The following GLDC variants were observed in gnomAD, a reference collection of about 807,000 sequenced individuals.
GLDC encodes the protein glycine dehydrogenase (decarboxylating), mitochondrial.
Under a neutral mutation model 121.3 loss-of-function variants are expected in GLDC, and 104 were observed. The ratio of observed to expected loss-of-function variants is 0.86; its 90% confidence interval spans 0.73 to 1.01. The LOEUF is 1.01. GLDC is among the 50% of genes least tolerant of loss of function. The pLI, the probability that GLDC is intolerant of heterozygous loss-of-function variation, is 0.00. For synonymous variants in GLDC, 546 were observed against 480.6 expected (o/e 1.14, Z -1.78); for missense variants, 1,429 against 1,306.6 (o/e 1.09, Z -1.44).
chr9:6,589,916 G>A (rs181544786), intron 11 of GLDC, among the ~76,000 whole-genome samples: 8 of 152,136 alleles, frequency 5.3e-5, no homozygotes, highest in East Asian at 1.9e-4. Context: ...TTAGCCGGTC[G>A]TGTTGGCGGG....
At chr9:6,586,515 G>A (rs1818275319) in intron 15 of GLDC, among the ~76,000 whole-genome samples, 1 of 152,170 alleles carries the variant, frequency 6.6e-6, no homozygotes, top group South Asian at 2.1e-4. Context: ...ACCTTTCAAA[G>A]TTAGTGACAT....
At position 6,545,888 on chromosome 9, in the gene GLDC, G is replaced by A. The variant is rs888476202; in HGVS notation, c.2569+4915C>T. ...ACTCCTGAGTTCAAGTGATCTGCCCGCCTCAGCCTTCCAAAGTGCTGGGAT... is the reference window on the plus strand; with the variant it reads ...ACTCCTGAGTTCAAGTGATCTGCCCACCTCAGCCTTCCAAAGTGCTGGGAT... On this transcript the variant is annotated intron_variant, in intron 21 of 24. Coordinates refer to ENST00000321612, the MANE Select transcript of GLDC (RefSeq NM_000170.3). Among the ~76,000 whole-genome samples, 10 of 152,094 alleles carry A rather than the reference G, an allele frequency of 6.6e-5. No homozygotes were observed. The East Asian group carries it at 1.9e-3, about 29-fold the overall frequency.
chr9:6,608,078 G>A (rs989751618), intron 4 of GLDC, among the ~76,000 whole-genome samples: 5 of 151,778 alleles, frequency 3.3e-5, no homozygotes, highest in Non-Finnish European at 4.4e-5. Flanking sequence ...AGCTGAGATC[G>A]TGCACCCCAG....
intron 9 of GLDC, among the ~76,000 whole-genome samples, chr9:6,593,856 C>G (rs1485170264): frequency 6.6e-6 from 1 of 151,860 alleles, no homozygotes; most frequent in South Asian, 2.1e-4. Flanking sequence ...CCACTCCCAG[C>G]TGATTTTTGT....
chr9:6,609,463 C>G lies in GLDC; in HGVS notation c.635+729G>C, dbSNP rs151285198. On this transcript the variant is annotated intron_variant, in intron 4 of 24. Coordinates refer to ENST00000321612, the MANE Select transcript of GLDC (RefSeq NM_000170.3). ...CAGTGCCAGGACCTTTGTCACTACCCTCTTACAACCCCACCAAACAGAGAC... is the reference window on the plus strand; with the variant it reads ...CAGTGCCAGGACCTTTGTCACTACCGTCTTACAACCCCACCAAACAGAGAC... 6.3e-3 allele frequency among the ~76,000 whole-genome samples: 958 copies of G among 152,234 alleles called. 9 individuals are homozygous for G. The highest frequency in any genetic ancestry group is 0.011 in the Non-Finnish European group (749 of 68,000).
At chr9:6,544,629 ACT>A (rs1817347653) in intron 21 of GLDC, among the ~76,000 whole-genome samples, 1 of 88,432 alleles carries the variant, frequency 1.1e-5, no homozygotes, top group South Asian at 4.2e-4. Flanking sequence ...ACAGAGCAAG[ACT>A]CTGTCTCAAA....
chr9:6,622,885 T>A (rs1819140426), intron 2 of GLDC: 1 of 202,410 alleles, frequency 4.9e-6, no homozygotes, highest in Admixed American at 5.9e-5. Flanking sequence ...GGAGCGCCTC[T>A]GCCCCGCCGC....
Position 6,606,602 on chromosome 9 carries a change from T to C in GLDC, c.703A>G (p.Thr235Ala). Residue 235 changes from threonine (T) to alanine (A), a missense_variant, in exon 5 of 25, where the codon ACT (threonine) becomes GCT (alanine). Transcript: ENST00000321612. ...AATCAAATTAATTACTTGGCTCGAG[T>C]CTGGACAACAGCTATTGTCTGTGGG... ...CHPQTIAVVQ[T>A]RAKYTGVLTE... 6.3e-7 allele frequency: 1 copy of C among 1,587,858 alleles called. No individual in the cohort carries two copies. Among genetic ancestry groups the C allele is most frequent in the East Asian group, 2.2e-5 (1 of 44,762 alleles).
At chr9:6,554,178 G>A (rs528005779) in intron 19 of GLDC, among the ~76,000 whole-genome samples, 1 of 152,200 alleles carries the variant, frequency 6.6e-6, no homozygotes, top group East Asian at 1.9e-4. Flanking sequence ...TATTCCTTCA[G>A]TCCTACTCTG....
In GLDC at chr9:6,611,417, G is replaced by A. The variant is rs142037972; in HGVS notation, c.471-1061C>T. On this transcript the variant is annotated intron_variant, in intron 3 of 24. Transcript: ENST00000321612. ...TAAAAATACAAACAATTAGCCAGGC[G>A]TGGTGGCACGTGCCTGTAGTCCCAG... Among the ~76,000 whole-genome samples, 144 of 152,272 alleles carry A rather than the reference G, an allele frequency of 9.5e-4. 2 individuals carry two copies. The highest frequency in any genetic ancestry group is 7.5e-3 in the East Asian group (39 of 5,188).
At chr9:6,630,420 C>G (rs779311531) in intron 2 of GLDC, among the ~76,000 whole-genome samples, 63 of 152,288 alleles carry the variant, frequency 4.1e-4, no homozygotes, top group South Asian at 1.7e-3. Context: ...CCAGCAGCGC[C>G]TCACACACAG....
intron 3 of GLDC, among the ~76,000 whole-genome samples, chr9:6,613,505 A>C (rs545532672): frequency 3.3e-5 from 5 of 152,318 alleles, no homozygotes; most frequent in Admixed American, 3.3e-4. Flanking sequence ...TTTTCAGTTA[A>C]CATTATTCCA....
At chr9:6,602,824 G>A (rs1446077123) in intron 7 of GLDC, among the ~76,000 whole-genome samples, 3 of 152,000 alleles carry the variant, frequency 2.0e-5, no homozygotes, top group African/African-American at 4.8e-5. Flanking sequence ...GGAAATATAC[G>A]ACAAAATTGA....
intron 16 of GLDC, among the ~76,000 whole-genome samples, chr9:6,561,423 C>A (rs1235735405): frequency 6.6e-6 from 1 of 152,004 alleles, no homozygotes. Context: ...CTGAGGCAGG[C>A]GGTTCACTTG....
chr9:6,631,065 T>C (rs768127330), intron 2 of GLDC, among the ~76,000 whole-genome samples: 1 of 152,168 alleles, frequency 6.6e-6, no homozygotes, highest in Admixed American at 6.5e-5. Flanking sequence ...CTAAAACCCT[T>C]GCAGACCAGC....
At chr9:6,640,953 A>G (rs1429069077) in intron 2 of GLDC, among the ~76,000 whole-genome samples, 1 of 152,184 alleles carries the variant, frequency 6.6e-6, no homozygotes, top group African/African-American at 2.4e-5. Context: ...ATATCCTTCT[A>G]GTCCTTTTGT....
intron 15 of GLDC, 195 bp from the exon 16 acceptor site, chr9:6,565,624 C>T (rs1817841074): frequency 1.5e-6 from 1 of 664,806 alleles, no homozygotes; most frequent in Non-Finnish European, 2.7e-6. Flanking sequence ...AAAGCAACAG[C>T]ATCCAGTTTG....
intron 3 of GLDC, among the ~76,000 whole-genome samples, chr9:6,611,330 G>A (rs1239868670): frequency 1.3e-5 from 2 of 152,170 alleles, no homozygotes; most frequent in Non-Finnish European, 2.9e-5. Flanking sequence ...GGTCAAGGCG[G>A]GCGGATCACG....
chr9:6,565,432 T>G lies in GLDC; in HGVS notation c.1851-3A>C, dbSNP rs374144290. On this transcript the variant is annotated splice_region_variant and splice_polypyrimidine_tract_variant and intron_variant, in intron 15 of 24. Transcript: ENST00000321612. ...CAGCATATTCTCCCTGGGCTCCGCT[T>G]GCAAAGACAAGAAGAAAGGGATCAC... 3.1e-6 allele frequency: 5 copies of G among 1,611,416 alleles called. No homozygotes were observed. The highest frequency in any genetic ancestry group is 2.7e-5 in the African/African-American group (2 of 74,876).
Sources: gnomAD v4.1 joint callset for allele counts (sites outside exome capture counted in the v4.1 genomes callset) on GRCh38, gnomAD v4.1.1 for gene constraint, MANE v1.5 for transcripts, NCBI Gene and HGNC (gene_info 2026-07-23, HGNC 2026-07-21) for gene names.